The following TENM1 variants were observed in gnomAD, a reference collection of about 807,000 sequenced individuals.
TENM1 encodes teneurin transmembrane protein 1, also known as teneurin-1.
Under a neutral mutation model 174.8 loss-of-function variants are expected in TENM1, and 35 were observed. The observed-to-expected ratio is 0.20, with a 90% CI of 0.15 to 0.27. The LOEUF is 0.27. TENM1 is among the 10% of genes least tolerant of loss of function. The probability of loss-of-function intolerance (pLI) is 1.00; values close to 1 mark genes in which losing one functional copy is unlikely to be tolerated. For missense variants in TENM1, 1,633 were observed against 2,130.1 expected, an observed-to-expected ratio of 0.77 and a Z score of 4.59; for synonymous variants, 781 against 798.7, an observed-to-expected ratio of 0.98 and a Z score of 0.37.
At chrX:124,383,215 G>T (rs563676048) in intron 30 of TENM1, among the ~76,000 whole-genome samples, 22 of 110,912 alleles carry the variant, frequency 2.0e-4, no homozygotes, top group African/African-American at 6.9e-4. Flanking sequence ...CCAATGCTGG[G>T]ATTACAGGTG....
chrX:124,966,674 A>C (rs2058731795), upstream of TENM1, among the ~76,000 whole-genome samples: 1 of 110,768 alleles, frequency 9.0e-6, no homozygotes, highest in Non-Finnish European at 1.9e-5. Context: ...AAAAAAAAAA[A>C]AACCAAAAAA....
chrX:125,189,491 A>C, the TENM1 span, among the ~76,000 whole-genome samples: 2 of 112,233 alleles, frequency 1.8e-5, no homozygotes, highest in Non-Finnish European at 3.8e-5. Flanking sequence ...CACAGGACTG[A>C]CTATTGGTTT....
intron 11 of TENM1, among the ~76,000 whole-genome samples, chrX:124,605,825 T>C (rs746949201): frequency 4.5e-5 from 5 of 111,920 alleles, no homozygotes; most frequent in Non-Finnish European, 9.4e-5. Context: ...TTAGCATACA[T>C]ATTTTTGTCA....
intron 18 of TENM1, among the ~76,000 whole-genome samples, chrX:124,508,763 T>G (rs1345719858): frequency 1.8e-5 from 2 of 111,665 alleles, no homozygotes; most frequent in Admixed American, 9.5e-5. Context: ...TATATTGCCA[T>G]CAAAGGCAGA....
At chrX:125,077,262 T>A in the TENM1 span, among the ~76,000 whole-genome samples, 1 of 111,234 alleles carries the variant, frequency 9.0e-6, no homozygotes, top group African/African-American at 3.3e-5. Context: ...AACTAGCAGG[T>A]TAATTTCAAA....
chrX:125,195,727 A>G, the TENM1 span, among the ~76,000 whole-genome samples: 1 of 111,279 alleles, frequency 9.0e-6, no homozygotes, highest in Non-Finnish European at 1.9e-5. Context: ...CAACCCAGTA[A>G]AGCAGTGTGA....
intron 3 of TENM1, among the ~76,000 whole-genome samples, chrX:124,861,608 A>G (rs1389485566): frequency 8.9e-6 from 1 of 112,322 alleles, no homozygotes; most frequent in East Asian, 2.8e-4. Context: ...TTTCTAAAAA[A>G]TCAATTGATG....
At chrX:125,142,845 C>T in the TENM1 span, among the ~76,000 whole-genome samples, 4 of 111,626 alleles carry the variant, frequency 3.6e-5, no homozygotes, top group African/African-American at 1.3e-4. Context: ...AAGGAAATAG[C>T]AGTGAGAGTA....
intron 3 of TENM1, among the ~76,000 whole-genome samples, chrX:124,831,037 G>A (rs1046714724): frequency 1.8e-5 from 2 of 111,905 alleles, no homozygotes; most frequent in African/African-American, 3.2e-5. Context: ...CTTAGTCAAG[G>A]ACAATTTTTG....
chrX:124,441,001 C>T (rs1477166713), intron 23 of TENM1, among the ~76,000 whole-genome samples: 1 of 112,165 alleles, frequency 8.9e-6, no homozygotes, highest in Non-Finnish European at 1.9e-5. Context: ...CACTTCTGAT[C>T]GGCTCCAACA....
intron 5 of TENM1, among the ~76,000 whole-genome samples, chrX:124,693,624 T>C (rs2052580898): frequency 3.6e-5 from 4 of 111,896 alleles, no homozygotes. Flanking sequence ...ACTCTCATTT[T>C]GTACATTTCT....
chrX:125,123,258 A>C, the TENM1 span, among the ~76,000 whole-genome samples: 8 of 110,350 alleles, frequency 7.2e-5, no homozygotes, highest in Non-Finnish European at 1.3e-4. Flanking sequence ...GGCTTGTTTT[A>C]TAAATAAGGT....
chrX:124,669,316 C>T (rs1343150483), intron 6 of TENM1, among the ~76,000 whole-genome samples: 1 of 111,239 alleles, frequency 9.0e-6, no homozygotes, highest in Non-Finnish European at 1.9e-5. Flanking sequence ...AGAATCCAGG[C>T]TTTTAACCAC....
At chrX:124,717,247 C>T (rs1489530793) in intron 4 of TENM1, among the ~76,000 whole-genome samples, 1 of 111,681 alleles carries the variant, frequency 9.0e-6, no homozygotes, top group Non-Finnish European at 1.9e-5. Flanking sequence ...TTGGTAACCA[C>T]ATAAGCATAT....
At chrX:125,121,247 G>T in the TENM1 span, among the ~76,000 whole-genome samples, 1 of 111,153 alleles carries the variant, frequency 9.0e-6, no homozygotes, top group African/African-American at 3.3e-5. Flanking sequence ...ACTATGAAAT[G>T]ACAAGAAGCT....
In TENM1 at chrX:124,644,130, CAT is replaced by C. The variant is rs1336856869; in HGVS notation, c.1876+1011_1876+1012del. ...ATGGCAGATATATACATATATATGC[CAT>C]ATATATATATAAATTTATATATATA... On this transcript the variant is annotated intron_variant, in intron 10 of 31. Transcript: ENST00000422452. Among the ~76,000 whole-genome samples, 701 of 84,874 alleles carry C rather than the reference CAT, an allele frequency of 8.3e-3. 11 individuals are homozygous for C. The highest frequency in any genetic ancestry group is 0.028 in the African/African-American group (632 of 22,808). 73.7% of individuals were successfully genotyped at this position (84,874 alleles called of 115,157 possible). A position where few individuals can be genotyped will look rare whatever the true frequency, so the allele number is the denominator to read the frequency against.
chrX:125,103,585 AC>A, the TENM1 span, among the ~76,000 whole-genome samples: 1 of 112,141 alleles, frequency 8.9e-6, no homozygotes, highest in Non-Finnish European at 1.9e-5. Flanking sequence ...GCTCTACTAA[AC>A]CTAACAGCAG....
chrX:124,867,264 A>C (rs1461889256), intron 3 of TENM1, among the ~76,000 whole-genome samples: 1 of 112,154 alleles, frequency 8.9e-6, no homozygotes, highest in Non-Finnish European at 1.9e-5. Flanking sequence ...AACTGAATTC[A>C]ACAGTATATT....
At chrX:125,191,209 A>G in the TENM1 span, among the ~76,000 whole-genome samples, 6 of 109,895 alleles carry the variant, frequency 5.5e-5, no homozygotes, top group Admixed American at 3.9e-4. Flanking sequence ...GAACATTATT[A>G]AGGCTTTTGC....
Sources: allele counts gnomAD v4.1 joint callset (sites outside exome capture counted in the v4.1 genomes callset), GRCh38; gene constraint gnomAD v4.1.1; transcripts MANE v1.5; gene names NCBI Gene and HGNC (gene_info 2026-07-23, HGNC 2026-07-21).